The following PISD variants were observed in gnomAD, a reference collection of about 807,000 sequenced individuals.
The protein encoded by PISD is phosphatidylserine decarboxylase.
Under a neutral mutation model 43.5 loss-of-function variants are expected in PISD, and 31 were observed. The ratio of observed to expected loss-of-function variants is 0.71; its 90% CI spans 0.54 to 0.96. PISD has a LOEUF of 0.96. Among genes scored for constraint, PISD ranks in the 40% least tolerant of loss-of-function variants. The pLI is 0.00. For missense variants in PISD, 523 were observed against 548.4 expected (o/e 0.95, Z 0.46); for synonymous variants, 259 against 228.7 (o/e 1.13, Z -1.20).
chr22:31,631,593 C>A (rs1429512815), intron 3 of PISD, among the ~76,000 whole-genome samples: 1 of 152,242 alleles, frequency 6.6e-6, no homozygotes, highest in Non-Finnish European at 1.5e-5. Context: ...TCTTCCCACC[C>A]CGCTAGATCG....
chr22:31,637,167 ATAT>A (rs2073518789), intron 3 of PISD, among the ~76,000 whole-genome samples: 3 of 19,220 alleles, frequency 1.6e-4, no homozygotes, highest in African/African-American at 7.0e-4. Flanking sequence ...AAAAAAAAAT[ATAT>A]ATATATATAT....
intron 3 of PISD, among the ~76,000 whole-genome samples, chr22:31,624,656 C>CAGACAG (rs146208241): frequency 0.036 from 4,731 of 131,308 alleles, 106 homozygotes; most frequent in South Asian, 0.071. Context: ...CACAGACAGA[C>CAGACAG]ACACACACAC....
chr22:31,657,805 C>T (rs753742327), intron 1 of PISD, among the ~76,000 whole-genome samples: 1 of 152,234 alleles, frequency 6.6e-6, no homozygotes, highest in African/African-American at 2.4e-5. Flanking sequence ...CAGGCGTGAG[C>T]CACTGCACCC....
chr22:31,659,633 C>T (rs1027833146), intron 1 of PISD, among the ~76,000 whole-genome samples: 4 of 151,940 alleles, frequency 2.6e-5, no homozygotes, highest in East Asian at 1.9e-4. Context: ...GCTCTGTTGC[C>T]GAAGCTGGAG....
chr22:31,621,588 G>T, intron 4 of PISD, 61 bp downstream of exon 4: 2 of 1,594,700 alleles, frequency 1.3e-6, no homozygotes, highest in Non-Finnish European at 8.6e-7. Context: ...GACCAGGGGG[G>T]CTGTGCTGGG....
In PISD at chr22:31,640,067, C is replaced by T. The variant is rs1207934963; in HGVS notation, c.321+8034G>A. 2.0e-5 allele frequency among the ~76,000 whole-genome samples: 3 copies of T among 152,136 alleles called. No homozygotes were observed. The East Asian group carries it at 5.8e-4, about 29-fold the overall frequency. ...ATCAGGGACTCAAGGGAATAGCACT[C>T]TGGAAGCCAAAAAGCATTATTCAAG... On this transcript the variant is annotated intron_variant, in intron 3 of 7. Transcript: ENST00000439502.
rs2073812345 is a variant in PISD at position 31,644,046 on chromosome 22, TCAAAAAAAAAAA to T, written c.321+4043_321+4054del. On this transcript the variant is annotated intron_variant, in intron 3 of 7. Coordinates refer to ENST00000439502, the MANE Select transcript of PISD (RefSeq NM_001326411.2). ...CTGGGTGACAGGGCGAGTCTCCGTC[TCAAAAAAAAAAA>T]CAAAAACAAAAACAAAAAACTGTAG... Among the ~76,000 whole-genome samples the T allele has an allele frequency of 3.4e-5, 5 of 147,754 alleles. No individual in the cohort carries two copies. The South Asian group carries it at 8.6e-4, about 25-fold the overall frequency.
intron 3 of PISD, among the ~76,000 whole-genome samples, chr22:31,642,682 C>G (rs1218667355): frequency 1.3e-5 from 2 of 149,750 alleles, no homozygotes; most frequent in Non-Finnish European, 2.9e-5. Flanking sequence ...GTAGTCCCGG[C>G]TGCTTGGGAG....
At chr22:31,625,800 C>T in intron 3 of PISD, 1 of 1,600,692 alleles carries the variant, frequency 6.2e-7, no homozygotes, top group East Asian at 2.3e-5. Flanking sequence ...TGCCGCGCCT[C>T]TGACTGACAC....
chr22:31,643,102 CAAAAAAAAA>C (rs79749046), intron 3 of PISD, among the ~76,000 whole-genome samples: 1,600 of 60,568 alleles, frequency 0.026, 15 homozygotes, highest in Middle Eastern at 0.1. Context: ...AATGCCATCT[CAAAAAAAAA>C]AAAAAAAGAA....
chr22:31,635,874 G>A (rs2073415689), intron 3 of PISD, among the ~76,000 whole-genome samples: 1 of 152,222 alleles, frequency 6.6e-6, no homozygotes, highest in East Asian at 1.9e-4. Context: ...CTGCCAACTT[G>A]ACTATTTGCC....
intron 2 of PISD, among the ~76,000 whole-genome samples, chr22:31,648,795 G>A (rs1319830782): frequency 6.6e-6 from 1 of 152,006 alleles, no homozygotes; most frequent in African/African-American, 2.4e-5. Context: ...TACAGGACAG[G>A]CATCTTTCCT....
At chr22:31,659,070 T>C (rs967021387) in intron 1 of PISD, among the ~76,000 whole-genome samples, 1 of 152,024 alleles carries the variant, frequency 6.6e-6, no homozygotes, top group Non-Finnish European at 1.5e-5. Flanking sequence ...CCCAGGCTGG[T>C]CTTGAACTCC....
intron 3 of PISD, among the ~76,000 whole-genome samples, chr22:31,644,703 A>G (rs1328628641): frequency 6.6e-6 from 1 of 152,196 alleles, no homozygotes; most frequent in Admixed American, 6.5e-5. Flanking sequence ...ACCTGTTGCC[A>G]TTCCTGAAAA....
intron 3 of PISD, chr22:31,629,262 T>C (rs1295110837): frequency 1.0e-6 from 1 of 981,730 alleles, no homozygotes; most frequent in African/African-American, 1.8e-5. Context: ...GGTGGAAGTG[T>C]GTGTGCATGG....
chr22:31,627,897 G>A (rs2068971553), intron 3 of PISD: 1 of 366,216 alleles, frequency 2.7e-6, no homozygotes, highest in Non-Finnish European at 3.8e-6. Context: ...CCCTACTGAG[G>A]AATCAAGGCA....
chr22:31,620,869 G>A (rs1007788488), intron 6 of PISD, 127 bp downstream of exon 6: 5 of 1,376,252 alleles, frequency 3.6e-6, no homozygotes, highest in Non-Finnish European at 4.9e-6. Flanking sequence ...CAACCAGCCT[G>A]CATAAAGCAG....
chr22:31,637,165 ATATATAT>A (rs1450187812), intron 3 of PISD, among the ~76,000 whole-genome samples: 1 of 13,404 alleles, frequency 7.5e-5, no homozygotes, highest in Non-Finnish European at 1.1e-4. Context: ...AAAAAAAAAA[ATATATAT>A]ATATATATAT....
chr22:31,646,179 T>G (rs890235377), intron 3 of PISD, among the ~76,000 whole-genome samples: 6 of 151,598 alleles, frequency 4.0e-5, no homozygotes, highest in African/African-American at 1.5e-4. Context: ...GGAGGGTCGC[T>G]TGAGCCCAGG....
Sources: gnomAD v4.1 joint callset for allele counts (sites outside exome capture counted in the v4.1 genomes callset) on GRCh38, gnomAD v4.1.1 for gene constraint, MANE v1.5 for transcripts, NCBI Gene and HGNC (gene_info 2026-07-23, HGNC 2026-07-21) for gene names.